The following PICALM variants were observed in gnomAD, a reference collection of about 807,000 sequenced individuals.
PICALM encodes the protein phosphatidylinositol-binding clathrin assembly protein.
In PICALM, 40 loss-of-function variants were observed where a neutral mutation model predicts 80.5. That is an observed-to-expected ratio of 0.50 (90% CI 0.39 to 0.65). The LOEUF is 0.65. Among genes scored for constraint, PICALM ranks in the 30% least tolerant of loss-of-function variants. PICALM has a pLI of 0.00. For synonymous variants in PICALM, 288 were observed against 260.3 expected (o/e 1.11, Z -1.02); for missense variants, 676 against 778.9 (o/e 0.87, Z 1.57).
intron 4 of PICALM, 65 bp downstream of exon 4, chr11:86,022,302 T>C: frequency 2.3e-6 from 2 of 863,138 alleles, no homozygotes; most frequent in Non-Finnish European, 3.7e-6. Context: ...CATAATCTAG[T>C]AACTCCTATG....
At chr11:86,033,628 T>C (rs2136842943) in intron 1 of PICALM, among the ~76,000 whole-genome samples, 1 of 152,338 alleles carries the variant, frequency 6.6e-6, no homozygotes, top group South Asian at 2.1e-4. Context: ...TCCCCCTTAC[T>C]CTGCTTATTT....
At chr11:85,987,404 G>A (rs1375214869) in intron 13 of PICALM, among the ~76,000 whole-genome samples, 1 of 152,006 alleles carries the variant, frequency 6.6e-6, no homozygotes, top group East Asian at 1.9e-4. Context: ...AGTAGAAAAA[G>A]AAATTTTTTA....
chr11:86,054,871 A>G (rs1043615565), intron 1 of PICALM, among the ~76,000 whole-genome samples: 1 of 152,130 alleles, frequency 6.6e-6, no homozygotes, highest in Non-Finnish European at 1.5e-5. Flanking sequence ...TCCTGACCAC[A>G]GGTTATCCAT....
At chr11:85,973,529 T>C (rs2094176439) in intron 19 of PICALM, among the ~76,000 whole-genome samples, 1 of 152,190 alleles carries the variant, frequency 6.6e-6, no homozygotes, top group South Asian at 2.1e-4. Context: ...ATTAATCTCT[T>C]ACTGTACTTA....
At chr11:86,064,199 A>G (rs569178218) in intron 1 of PICALM, among the ~76,000 whole-genome samples, 148 of 152,336 alleles carry the variant, frequency 9.7e-4, no homozygotes, top group Non-Finnish European at 1.7e-3. Flanking sequence ...CTTATTTCCA[A>G]TTTCTAGATC....
intron 11 of PICALM, among the ~76,000 whole-genome samples, chr11:85,997,307 G>A (rs1160025762): frequency 1.3e-5 from 2 of 151,984 alleles, no homozygotes; most frequent in Non-Finnish European, 2.9e-5. Flanking sequence ...AATATTCACA[G>A]AACTTGAATC....
intron 11 of PICALM, among the ~76,000 whole-genome samples, chr11:85,998,147 C>A (rs906528198): frequency 6.9e-6 from 1 of 145,848 alleles, no homozygotes; most frequent in African/African-American, 2.5e-5. Flanking sequence ...AGTCTCGCTC[C>A]GTCGCCCAGG....
intron 4 of PICALM, among the ~76,000 whole-genome samples, chr11:86,018,881 T>C (rs2136430382): frequency 8.2e-6 from 1 of 121,222 alleles, no homozygotes; most frequent in Non-Finnish European, 1.7e-5. Flanking sequence ...AGAGCCAGAC[T>C]CTGACTTAAA....
intron 5 of PICALM, 74 bp downstream of exon 5, chr11:86,014,796 C>T: frequency 1.3e-6 from 1 of 785,424 alleles, no homozygotes; most frequent in African/African-American, 1.8e-5. Flanking sequence ...TCTGTGAAAA[C>T]TTGAGGTTAA....
chr11:85,986,720 T>G (rs2094584514), intron 13 of PICALM, among the ~76,000 whole-genome samples: 1 of 152,164 alleles, frequency 6.6e-6, no homozygotes, highest in Non-Finnish European at 1.5e-5. Context: ...AAAAGTTATT[T>G]AAAACAAAAA....
intron 1 of PICALM, among the ~76,000 whole-genome samples, chr11:86,054,735 T>C (rs2096244071): frequency 6.6e-6 from 1 of 152,224 alleles, no homozygotes; most frequent in African/African-American, 2.4e-5. Context: ...CATTTTACAC[T>C]ATTAGATCTC....
chr11:86,018,757 C>T lies in PICALM; in HGVS notation c.452+3610G>A, dbSNP rs574830052. On this transcript the variant is annotated intron_variant, in intron 4 of 19. Coordinates refer to ENST00000393346, the MANE Select transcript of PICALM (RefSeq NM_007166.4). ...TACAAAAATTAGCTGGGCATTGTGG[C>T]GGGCACCTGTAGTCCCAACTACTTG... 3.9e-5 allele frequency among the ~76,000 whole-genome samples: 6 copies of T among 152,046 alleles called. No homozygotes were observed. The East Asian group carries it at 5.8e-4, about 15-fold the overall frequency.
chr11:86,021,090 A>G (rs2095554954), intron 4 of PICALM, among the ~76,000 whole-genome samples: 1 of 152,218 alleles, frequency 6.6e-6, no homozygotes, highest in Non-Finnish European at 1.5e-5. Context: ...GCTCAAGCCT[A>G]TAATCTCAAC....
intron 1 of PICALM, among the ~76,000 whole-genome samples, chr11:86,047,676 A>T (rs934050544): frequency 6.6e-6 from 1 of 152,258 alleles, no homozygotes; most frequent in Non-Finnish European, 1.5e-5. Context: ...CTCAACAGTT[A>T]TAACACATTC....
chr11:86,058,130 A>T (rs1468781322), intron 1 of PICALM, among the ~76,000 whole-genome samples: 1 of 151,832 alleles, frequency 6.6e-6, no homozygotes, highest in African/African-American at 2.4e-5. Flanking sequence ...GATATACTTA[A>T]ATTACATTAA....
At chr11:85,970,882 T>A (rs2094086351) in intron 19 of PICALM, among the ~76,000 whole-genome samples, 1 of 152,144 alleles carries the variant, frequency 6.6e-6, no homozygotes, top group Non-Finnish European at 1.5e-5. Flanking sequence ...AAAAGATTGT[T>A]CCAATATTTA....
In PICALM at chr11:86,031,504, T is replaced by C. The variant is rs754371476; in HGVS notation, c.238A>G (p.Ile80Val). 10 of 1,612,914 alleles carry C rather than the reference T, an allele frequency of 6.2e-6. No individual in the cohort carries two copies. The highest frequency in any genetic ancestry group is 8.5e-6 in the Non-Finnish European group (10 of 1,179,442). ...TACACCATCAAATGATGAGTTGTAA[T>C]GAGAGATTTGAAGACCACCACCCAA... ...SSWVVVFKSLITTHHLMVYGN... is the reference protein window; with the variant it reads ...SSWVVVFKSLVTTHHLMVYGN... The change falls in exon 2 of 20, where the codon ATT becomes GTT. Residue 80 changes from isoleucine to valine, a missense_variant. Around this residue, in one of 2 missense-constraint regions of PICALM, gnomAD observed 285 missense variants for 395.4 expected, o/e 0.72. Coordinates refer to ENST00000393346, the MANE Select transcript of PICALM (RefSeq NM_007166.4).
intron 19 of PICALM, among the ~76,000 whole-genome samples, chr11:85,969,421 G>T (rs2094024063): frequency 6.6e-6 from 1 of 152,042 alleles, no homozygotes; most frequent in South Asian, 2.1e-4. Context: ...CCATTTTGAT[G>T]GAATTTCATT....
At chr11:85,981,292 C>A in intron 16 of PICALM, 64 bp from the exon 17 acceptor site, 3 of 981,222 alleles carry the variant, frequency 3.1e-6, no homozygotes, top group South Asian at 1.3e-5. Flanking sequence ...TAGCTATATA[C>A]TTATATAGAA....
Sources: allele counts gnomAD v4.1 joint callset (sites outside exome capture counted in the v4.1 genomes callset), GRCh38; gene constraint gnomAD v4.1.1; regional missense constraint gnomAD v4.1.1; transcripts MANE v1.5; gene names NCBI Gene and HGNC (gene_info 2026-07-23, HGNC 2026-07-21).